UNC80: variants seen among roughly 807,000 people sequenced by gnomAD.
UNC80 encodes unc-80 subunit of NALCN channel complex, also known as protein unc-80 homolog.
UNC80 carries 164 observed loss-of-function variants against 384.6 expected under a neutral mutation model. That is an observed-to-expected ratio of 0.43 (90% CI 0.38 to 0.49). The LOEUF (loss-of-function observed/expected upper bound fraction) is 0.49, where lower values mean the gene tolerates loss of function less well. UNC80 is among the 20% of genes least tolerant of loss of function. The pLI, the probability that UNC80 is intolerant of heterozygous loss-of-function variation, is 0.00. For missense variants in UNC80, 3,330 were observed against 4,143.0 expected, an observed-to-expected ratio of 0.80 and a Z score of 5.39; for synonymous variants, 1,486 against 1,527.8, an observed-to-expected ratio of 0.97 and a Z score of 0.64.
intron 22 of UNC80, among the ~76,000 whole-genome samples, chr2:209,855,427 A>T (rs2082834460): frequency 1.3e-5 from 2 of 152,340 alleles, no homozygotes; most frequent in South Asian, 2.1e-4. Context: ...TATGTAACAA[A>T]CCTGCACATC....
chr2:209,963,297 C>T (rs1258054943), intron 51 of UNC80, among the ~76,000 whole-genome samples: 1 of 152,226 alleles, frequency 6.6e-6, no homozygotes, highest in East Asian at 1.9e-4. Context: ...CTCTCTCCCT[C>T]ACCCTCTCAA....
intron 35 of UNC80, 82 bp downstream of exon 35, chr2:209,922,465 A>G: frequency 1.4e-6 from 2 of 1,388,838 alleles, no homozygotes; most frequent in South Asian, 3.3e-5. Flanking sequence ...ATCTCACTTG[A>G]TTACATTGTC....
chr2:209,945,736 C>G (rs962619395), intron 46 of UNC80, 111 bp from the exon 47 acceptor site: 24 of 638,194 alleles, frequency 3.8e-5, no homozygotes, highest in Non-Finnish European at 5.8e-5. Flanking sequence ...TAAAATTTAA[C>G]AAGAAAAGGC....
At chr2:209,945,788 CT>C in intron 46 of UNC80, 58 bp from the exon 47 acceptor site, 1 of 1,157,120 alleles carries the variant, frequency 8.6e-7, no homozygotes, top group Admixed American at 2.0e-5. Context: ...GTAATAGGTG[CT>C]TCTTTATCTC....
At position 209,840,642 on chromosome 2, in the gene UNC80, C is replaced by T; in HGVS notation, c.3351C>T (p.Ser1117=). ...ACCGACTCTCTTTCATCAGGCAAAGCTCCAAGGTAAACAGGACATAACTTG... is the reference window on the plus strand; with the variant it reads ...ACCGACTCTCTTTCATCAGGCAAAGTTCCAAGGTAAACAGGACATAACTTG... ...SVDRLSFIRQ[S]SKVKFTSAVK... Residue 1117 remains serine, a synonymous_variant, in exon 20 of 65, where the codon AGC becomes AGT. Transcript: ENST00000673920. The T allele has an allele frequency of 6.4e-7, 1 of 1,551,798 alleles. No homozygotes were observed. Among genetic ancestry groups the T allele is most frequent in the South Asian group, 1.2e-5 (1 of 84,046 alleles).
chr2:209,844,817 G>T (rs1408319368), intron 21 of UNC80, among the ~76,000 whole-genome samples: 1 of 151,626 alleles, frequency 6.6e-6, no homozygotes, highest in Non-Finnish European at 1.5e-5. Flanking sequence ...TGCCCAGGCT[G>T]GTCTTGAACT....
chr2:209,922,663 C>A (rs945478546), intron 35 of UNC80, among the ~76,000 whole-genome samples: 1 of 152,164 alleles, frequency 6.6e-6, no homozygotes, highest in Non-Finnish European at 1.5e-5. Flanking sequence ...AGTTCTCCAC[C>A]TAGCTACAGT....
At position 209,813,805 on chromosome 2, in the gene UNC80, A is replaced by G. The variant is rs937097279; in HGVS notation, c.1164A>G (p.Ala388=). Residue 388 remains alanine, a synonymous_variant, in exon 8 of 65, where the codon GCA becomes GCG. Transcript: ENST00000673920. ...LPRPRSSSMV[A]AAPSLVNTHK... is the part of the protein sequence containing the mutation. Reference sequence around the variant, plus strand: ...GACCCAGGAGTAGCTCCATGGTGGCAGCAGCTCCCTCACTAGTGAACACCC... The same window carrying G: ...GACCCAGGAGTAGCTCCATGGTGGCGGCAGCTCCCTCACTAGTGAACACCC... 15 of 1,552,208 alleles carry G rather than the reference A, an allele frequency of 9.7e-6. No individual in the cohort carries two copies. Among genetic ancestry groups the G allele is most frequent in the Non-Finnish European group, 1.2e-5 (14 of 1,147,104 alleles).
At chr2:209,808,514 A>G (rs1392531084) in intron 7 of UNC80, among the ~76,000 whole-genome samples, 1 of 143,192 alleles carries the variant, frequency 7.0e-6, no homozygotes, top group Non-Finnish European at 1.5e-5. Context: ...GTGAGCCGAT[A>G]TCGCGCCACT....
At chr2:209,842,035 T>C (rs2081797484) in intron 20 of UNC80, among the ~76,000 whole-genome samples, 1 of 152,226 alleles carries the variant, frequency 6.6e-6, no homozygotes, top group African/African-American at 2.4e-5. Context: ...AATGACTATG[T>C]CTCGCTATTC....
At chr2:209,912,760 C>A in intron 30 of UNC80, 93 bp downstream of exon 30, 1 of 822,078 alleles carries the variant, frequency 1.2e-6, no homozygotes, top group Non-Finnish European at 1.9e-6. Flanking sequence ...CATACAACAT[C>A]AGTTGGTACA....
At chr2:209,963,214 T>C (rs2092647792) in intron 51 of UNC80, among the ~76,000 whole-genome samples, 1 of 152,232 alleles carries the variant, frequency 6.6e-6, no homozygotes, top group South Asian at 2.1e-4. Context: ...TCTTTTTCTC[T>C]CTCTTTCTCT....
chr2:209,875,335 A>C (rs757371538), intron 23 of UNC80, among the ~76,000 whole-genome samples: 5 of 152,172 alleles, frequency 3.3e-5, no homozygotes, highest in Non-Finnish European at 7.3e-5. Context: ...CCTCTCCACG[A>C]CCTTTGCTCA....
intron 50 of UNC80, 104 bp downstream of exon 50, chr2:209,959,258 T>TA: frequency 1.5e-6 from 2 of 1,370,898 alleles, no homozygotes; most frequent in Non-Finnish European, 2.0e-6. Flanking sequence ...ATGCATAACA[T>TA]ACTATTTCTG....
At position 209,935,909 on chromosome 2, in the gene UNC80, T is replaced by TG. The variant is rs759852177; in HGVS notation, c.6273+103dup. 133 of 678,294 alleles carry TG rather than the reference T, an allele frequency of 2.0e-4. 1 individual carries two copies. Among genetic ancestry groups the TG allele is most frequent in the Non-Finnish European group, 2.5e-4 (101 of 399,520 alleles). The allele number at this position is 678,294 out of a possible 1,614,324, so 42.0% of individuals were successfully genotyped here. ...AAAATGGCATTTTTCTGTCTTTAAATGGATGTATGCATTTCTTTACTCTTC... is the reference window on the plus strand; with the variant it reads ...AAAATGGCATTTTTCTGTCTTTAAATGGGATGTATGCATTTCTTTACTCTTC... On this transcript the variant is annotated intron_variant, in intron 40 of 64. Coordinates refer to ENST00000673920, the MANE Select transcript of UNC80 (RefSeq NM_001371986.1).
intron 4 of UNC80, among the ~76,000 whole-genome samples, chr2:209,781,981 C>A (rs958326662): frequency 6.6e-6 from 1 of 152,140 alleles, no homozygotes; most frequent in Non-Finnish European, 1.5e-5. Context: ...ATCACAGAGT[C>A]CCACTCATTT....
intron 4 of UNC80, among the ~76,000 whole-genome samples, chr2:209,782,702 G>A (rs2077217641): frequency 6.6e-6 from 1 of 152,010 alleles, no homozygotes; most frequent in Admixed American, 6.6e-5. Flanking sequence ...GTAACACAGT[G>A]TATTATTCAA....
At chr2:209,903,489 T>C in intron 28 of UNC80, among the ~76,000 whole-genome samples, 1 of 111,762 alleles carries the variant, frequency 8.9e-6, no homozygotes, top group African/African-American at 3.6e-5. Context: ...ATATGTAATA[T>C]ATATATTATA....
At position 209,975,702 on chromosome 2, in the gene UNC80, G is replaced by T. The variant is rs561267127; in HGVS notation, c.8588-417G>T. On this transcript the variant is annotated intron_variant, in intron 56 of 64. Coordinates refer to ENST00000673920, the MANE Select transcript of UNC80 (RefSeq NM_001371986.1). ...TTATGGTTAAAAGAAAAAAGGAAAAGATTTTTAAGATCCATGTTTTAGCTA... is the reference window on the plus strand; with the variant it reads ...TTATGGTTAAAAGAAAAAAGGAAAATATTTTTAAGATCCATGTTTTAGCTA... Among the ~76,000 whole-genome samples the T allele has an allele frequency of 4.6e-5, 7 of 152,278 alleles. No homozygotes were observed. In the East Asian group the frequency reaches 1.3e-3, roughly 29 times the overall value.
Sources: allele counts gnomAD v4.1 joint callset (sites outside exome capture counted in the v4.1 genomes callset), GRCh38; gene constraint gnomAD v4.1.1; transcripts MANE v1.5; gene names NCBI Gene and HGNC (gene_info 2026-07-23, HGNC 2026-07-21).